FHOD3: variants seen among roughly 807,000 people sequenced by gnomAD.
FHOD3 encodes the protein FH1/FH2 domain-containing protein 3.
Under a neutral mutation model 173.0 loss-of-function variants are expected in FHOD3, and 90 were observed. The observed-to-expected ratio is 0.52, with a 90% CI of 0.44 to 0.62. The LOEUF (loss-of-function observed/expected upper bound fraction) is 0.62, where lower values mean the gene tolerates loss of function less well. Ranked by LOEUF, FHOD3 falls within the 20% of genes least tolerant of loss-of-function variation. The probability of loss-of-function intolerance (pLI) is 0.00; values close to 1 mark genes in which losing one functional copy is unlikely to be tolerated. For missense variants in FHOD3, 1,945 were observed against 2,034.7 expected, an observed-to-expected ratio of 0.96 and a Z score of 0.85; for synonymous variants, 828 against 823.0, an observed-to-expected ratio of 1.01 and a Z score of -0.10.
chr18:36,654,821 T>C (rs1184508421), intron 13 of FHOD3, among the ~76,000 whole-genome samples: 1 of 152,208 alleles, frequency 6.6e-6, no homozygotes, highest in Non-Finnish European at 1.5e-5. Context: ...CACAAAGCAG[T>C]GCCCCACACT....
intron 6 of FHOD3, among the ~76,000 whole-genome samples, chr18:36,586,759 C>A (rs185466249): frequency 1.3e-5 from 2 of 152,294 alleles, no homozygotes; most frequent in East Asian, 3.9e-4. Context: ...GGATTACAGA[C>A]ATGAGCCACC....
chr18:36,529,867 G>A (rs2056704731), intron 5 of FHOD3, among the ~76,000 whole-genome samples: 1 of 152,194 alleles, frequency 6.6e-6, no homozygotes, highest in South Asian at 2.1e-4. Context: ...TTAATTTGGA[G>A]TAGAATCCCA....
chr18:36,335,093 CA>C (rs2045235831), intron 1 of FHOD3, among the ~76,000 whole-genome samples: 1 of 152,172 alleles, frequency 6.6e-6, no homozygotes, highest in Admixed American at 6.5e-5. Flanking sequence ...TCGCCTAGGA[CA>C]GGGGTGTCTA....
chr18:36,654,756 G>C (rs1430785993), intron 13 of FHOD3, among the ~76,000 whole-genome samples: 1 of 152,142 alleles, frequency 6.6e-6, no homozygotes, highest in Non-Finnish European at 1.5e-5. Flanking sequence ...TACTTCTTAA[G>C]GAATTCCCTC....
chr18:36,314,037 T>C (rs1478705543), intron 1 of FHOD3, among the ~76,000 whole-genome samples: 1 of 152,200 alleles, frequency 6.6e-6, no homozygotes, highest in East Asian at 1.9e-4. Context: ...CATGAGCCAC[T>C]GCACCTGGCC....
At chr18:36,755,953 C>A (rs896999863) in intron 25 of FHOD3, among the ~76,000 whole-genome samples, 1 of 152,110 alleles carries the variant, frequency 6.6e-6, no homozygotes, top group Non-Finnish European at 1.5e-5. Flanking sequence ...CCCCTGCTCC[C>A]GGGCTCTTTC....
intron 7 of FHOD3, among the ~76,000 whole-genome samples, chr18:36,595,545 A>T (rs1251614412): frequency 2.0e-5 from 3 of 152,008 alleles, no homozygotes; most frequent in Non-Finnish European, 2.9e-5. Context: ...AAGCCCATGT[A>T]TGCACCTCTT....
intron 1 of FHOD3, among the ~76,000 whole-genome samples, chr18:36,353,451 A>C (rs1439898996): frequency 6.6e-6 from 1 of 152,230 alleles, no homozygotes; most frequent in Non-Finnish European, 1.5e-5. Flanking sequence ...ATAATAGCAA[A>C]ACTTTCCTAT....
At chr18:36,705,503 C>T (rs925846397) in intron 17 of FHOD3, among the ~76,000 whole-genome samples, 2 of 152,174 alleles carry the variant, frequency 1.3e-5, no homozygotes, top group African/African-American at 2.4e-5. Flanking sequence ...AAAGTATTTT[C>T]GTTATTGTGT....
chr18:36,745,753 C>T (rs1355395056), intron 23 of FHOD3, among the ~76,000 whole-genome samples: 5 of 149,526 alleles, frequency 3.3e-5, no homozygotes, highest in Non-Finnish European at 7.5e-5. Context: ...GCTCACCCCC[C>T]GCCACACCCT....
chr18:36,780,001 C>A lies in FHOD3; in HGVS notation c.*471C>A. The A allele has an allele frequency of 1.8e-6, 1 of 550,890 alleles. No individual in the cohort carries two copies. The highest frequency in any genetic ancestry group is 1.9e-5 in the African/African-American group (1 of 51,528). The allele number at this position is 550,890 out of a possible 1,614,324, so 34.1% of individuals were successfully genotyped here. A position where few individuals can be genotyped will look rare whatever the true frequency, so the allele number is the denominator to read the frequency against. On this transcript the variant is annotated 3_prime_UTR_variant, in exon 29 of 29. Transcript: ENST00000590592. ...ATTTTAGATGTAACAAATGTTTATA[C>A]AAATACATACATGTACACCATGTTT...
intron 3 of FHOD3, among the ~76,000 whole-genome samples, chr18:36,423,116 ACC>A (rs34527714): frequency 2.6e-5 from 4 of 151,350 alleles, no homozygotes; most frequent in African/African-American, 4.9e-5. Context: ...CTCGATTCAC[ACC>A]CCCCCCAAAC....
At chr18:36,299,382 T>C (rs1412125119) in intron 1 of FHOD3, among the ~76,000 whole-genome samples, 1 of 152,188 alleles carries the variant, frequency 6.6e-6, no homozygotes, top group Non-Finnish European at 1.5e-5. Context: ...TTGTAAATTA[T>C]TTGGTTCTTC....
intron 1 of FHOD3, among the ~76,000 whole-genome samples, chr18:36,327,821 C>A (rs1320079806): frequency 6.6e-6 from 1 of 152,136 alleles, no homozygotes; most frequent in Non-Finnish European, 1.5e-5. Flanking sequence ...CTTTGTGGAC[C>A]ATACAGTCTC....
At position 36,668,708 on chromosome 18, in the gene FHOD3, G is replaced by T. The variant is rs551898646; in HGVS notation, c.1835+10520G>T. 6.6e-5 allele frequency among the ~76,000 whole-genome samples: 10 copies of T among 151,940 alleles called. No individual in the cohort carries two copies. The South Asian group carries it at 2.1e-3, about 32-fold the overall frequency. Reference sequence around the variant, plus strand: ...TATCTTCTCTTAATATGCTTCTTAAGTTCTCTGTCAATTTTTAAAAAGTCT... The same window carrying T: ...TATCTTCTCTTAATATGCTTCTTAATTTCTCTGTCAATTTTTAAAAAGTCT... On this transcript the variant is annotated intron_variant, in intron 14 of 28. Coordinates refer to ENST00000590592, the MANE Select transcript of FHOD3 (RefSeq NM_001281740.3).
chr18:36,403,932 C>T (rs2048940250), intron 3 of FHOD3, among the ~76,000 whole-genome samples: 1 of 152,214 alleles, frequency 6.6e-6, no homozygotes, highest in African/African-American at 2.4e-5. Flanking sequence ...CCCCAGTGCC[C>T]TTGGGGTATC....
intron 3 of FHOD3, among the ~76,000 whole-genome samples, chr18:36,420,251 G>A (rs1240477545): frequency 6.6e-6 from 1 of 152,226 alleles, no homozygotes; most frequent in African/African-American, 2.4e-5. Context: ...TAGCAGATGA[G>A]CTACAGTTGA....
intron 1 of FHOD3, among the ~76,000 whole-genome samples, chr18:36,303,835 T>A (rs1195240315): frequency 1.3e-5 from 2 of 152,056 alleles, no homozygotes; most frequent in Non-Finnish European, 2.9e-5. Flanking sequence ...TGTCAGCATC[T>A]GCTCCATTAG....
At chr18:36,414,755 A>G (rs1239968467) in intron 3 of FHOD3, among the ~76,000 whole-genome samples, 1 of 152,160 alleles carries the variant, frequency 6.6e-6, no homozygotes, top group African/African-American at 2.4e-5. Flanking sequence ...ACGTTTCAGG[A>G]GTTTTAACCC....
Sources: allele counts gnomAD v4.1 joint callset (sites outside exome capture counted in the v4.1 genomes callset), GRCh38; gene constraint gnomAD v4.1.1; transcripts MANE v1.5; gene names NCBI Gene and HGNC (gene_info 2026-07-23, HGNC 2026-07-21).